The following TENM2 variants were observed in gnomAD, a reference collection of about 807,000 sequenced individuals.
TENM2 encodes the protein teneurin transmembrane protein 2.
A neutral mutation model predicts 245.2 loss-of-function variants in TENM2; 52 were observed. That is an observed-to-expected ratio of 0.21 (90% CI 0.17 to 0.27). The LOEUF is 0.27. Among genes scored for constraint, TENM2 ranks in the 10% least tolerant of loss-of-function variants. The pLI, the probability that TENM2 is intolerant of heterozygous loss-of-function variation, is 1.00. For synonymous variants in TENM2, 1,363 were observed against 1,438.9 expected (o/e 0.95, Z 1.19); for missense variants, 3,046 against 3,666.8 (o/e 0.83, Z 4.37).
chr5:167,978,752 C>A (rs1389501581), intron 4 of TENM2, among the ~76,000 whole-genome samples: 2 of 152,094 alleles, frequency 1.3e-5, no homozygotes, highest in Non-Finnish European at 2.9e-5. Flanking sequence ...CTCTAAATGC[C>A]ACTGAATTGT....
intron 2 of TENM2, among the ~76,000 whole-genome samples, chr5:167,684,267 C>T (rs1460839676): frequency 6.6e-6 from 1 of 152,226 alleles, no homozygotes; most frequent in East Asian, 1.9e-4. Context: ...TGCCACCTGG[C>T]TCTTGGTTCT....
intron 1 of TENM2, among the ~76,000 whole-genome samples, chr5:167,316,182 A>G (rs568781918): frequency 1.0e-3 from 159 of 152,360 alleles, no homozygotes; most frequent in African/African-American, 3.7e-3. Flanking sequence ...GCAAGAATGT[A>G]AGCTTCATAA....
chr5:167,071,091 C>T, the TENM2 span, among the ~76,000 whole-genome samples: 214 of 152,192 alleles, frequency 1.4e-3, no homozygotes, highest in Non-Finnish European at 2.1e-3. Flanking sequence ...CGGGAAGGCA[C>T]GCAAGCCCTG....
At chr5:167,508,322 C>G (rs931836564) in intron 2 of TENM2, among the ~76,000 whole-genome samples, 3 of 152,086 alleles carry the variant, frequency 2.0e-5, no homozygotes, top group Non-Finnish European at 2.9e-5. Flanking sequence ...AGTACAGCAC[C>G]AAGCACAAAG....
At chr5:166,990,921 G>A in the TENM2 span, among the ~76,000 whole-genome samples, 4 of 152,072 alleles carry the variant, frequency 2.6e-5, no homozygotes, top group African/African-American at 7.2e-5. Flanking sequence ...TCTGAAAATT[G>A]GATTGGGCTT....
intron 1 of TENM2, among the ~76,000 whole-genome samples, chr5:167,339,168 T>C (rs966946905): frequency 6.6e-6 from 1 of 152,216 alleles, no homozygotes; most frequent in Non-Finnish European, 1.5e-5. Flanking sequence ...ATCTAAATAG[T>C]ATCTAAATCA....
chr5:167,650,620 G>A (rs1363484159), intron 2 of TENM2, among the ~76,000 whole-genome samples: 2 of 152,136 alleles, frequency 1.3e-5, no homozygotes, highest in East Asian at 1.9e-4. Flanking sequence ...AACAACAACT[G>A]CAGAAAATAC....
chr5:168,026,104 C>G (rs896531564), intron 5 of TENM2, among the ~76,000 whole-genome samples: 3 of 152,128 alleles, frequency 2.0e-5, no homozygotes, highest in African/African-American at 7.2e-5. Flanking sequence ...AATTTCTTTG[C>G]TCTTCTCAAG....
intron 7 of TENM2, among the ~76,000 whole-genome samples, chr5:168,072,541 C>T (rs1581220500): frequency 6.6e-6 from 1 of 152,162 alleles, no homozygotes; most frequent in East Asian, 1.9e-4. Flanking sequence ...AGATGGAGAC[C>T]TGACAAGTTA....
At chr5:167,332,399 T>G (rs1163137081) in intron 1 of TENM2, among the ~76,000 whole-genome samples, 5 of 152,304 alleles carry the variant, frequency 3.3e-5, no homozygotes, top group Admixed American at 6.5e-5. Flanking sequence ...CACGTGCCTC[T>G]GAACTACAGT....
At chr5:167,079,441 G>A in the TENM2 span, among the ~76,000 whole-genome samples, 1 of 150,982 alleles carries the variant, frequency 6.6e-6, no homozygotes, top group Non-Finnish European at 1.5e-5. Flanking sequence ...AGCCTCCTGA[G>A]TAGCTGGGAT....
the TENM2 span, among the ~76,000 whole-genome samples, chr5:167,008,783 T>C: frequency 6.6e-6 from 1 of 152,014 alleles, no homozygotes; most frequent in Non-Finnish European, 1.5e-5. Flanking sequence ...TGCCTGTGCG[T>C]TAGGTTTGCA....
intron 2 of TENM2, among the ~76,000 whole-genome samples, chr5:167,529,965 T>C (rs1461771209): frequency 6.6e-6 from 1 of 152,216 alleles, no homozygotes; most frequent in Non-Finnish European, 1.5e-5. Flanking sequence ...GTTGGTTATA[T>C]ACATTATCTA....
At chr5:167,107,457 A>G in the TENM2 span, among the ~76,000 whole-genome samples, 2 of 152,228 alleles carry the variant, frequency 1.3e-5, no homozygotes, top group Non-Finnish European at 2.9e-5. Context: ...GAGAGATGCT[A>G]GAGAAAGGAA....
chr5:167,238,082 G>A, the TENM2 span, among the ~76,000 whole-genome samples: 1 of 148,574 alleles, frequency 6.7e-6, no homozygotes, highest in Non-Finnish European at 1.5e-5. Context: ...GGAATGTACA[G>A]ACATTAATGA....
chr5:167,573,741 G>A (rs936202029), intron 2 of TENM2, among the ~76,000 whole-genome samples: 2 of 152,038 alleles, frequency 1.3e-5, no homozygotes, highest in Admixed American at 1.3e-4. Context: ...CAGTTTGATC[G>A]AGCGTTCCTT....
At chr5:167,017,483 A>C in the TENM2 span, among the ~76,000 whole-genome samples, 1 of 152,204 alleles carries the variant, frequency 6.6e-6, no homozygotes, top group African/African-American at 2.4e-5. Context: ...AGCCATAGAC[A>C]ATATGTAAAC....
chr5:167,277,498 A>C, the TENM2 span, among the ~76,000 whole-genome samples: 1 of 152,104 alleles, frequency 6.6e-6, no homozygotes, highest in African/African-American at 2.4e-5. Flanking sequence ...AATTCTTTAA[A>C]AATTTTTGAG....
At chr5:167,599,096 A>G (rs1048976605) in intron 2 of TENM2, among the ~76,000 whole-genome samples, 1 of 152,228 alleles carries the variant, frequency 6.6e-6, no homozygotes, top group African/African-American at 2.4e-5. Flanking sequence ...TGTATGGGAG[A>G]GAAACCCAGG....
Sources: gnomAD v4.1 joint callset for allele counts (sites outside exome capture counted in the v4.1 genomes callset) on GRCh38, gnomAD v4.1.1 for gene constraint, MANE v1.5 for transcripts, NCBI Gene and HGNC (gene_info 2026-07-23, HGNC 2026-07-21) for gene names.